FYB1: variants seen among roughly 807,000 people sequenced by gnomAD.
The protein encoded by FYB1 is FYN-binding protein 1.
In FYB1, 41 loss-of-function variants were observed where a neutral mutation model predicts 94.1. The observed-to-expected ratio is 0.44, with a 90% CI of 0.34 to 0.57. The LOEUF (loss-of-function observed/expected upper bound fraction) is 0.57, where lower values mean the gene tolerates loss of function less well. Ranked by LOEUF, FYB1 falls within the 20% of genes least tolerant of loss-of-function variation. The pLI is 0.02. For missense variants in FYB1, 1,050 were observed against 976.8 expected, an observed-to-expected ratio of 1.07 and a Z score of -1.00; for synonymous variants, 367 against 353.2, an observed-to-expected ratio of 1.04 and a Z score of -0.44.
At chr5:39,217,740 C>T (rs1749979919) in intron 1 of FYB1, among the ~76,000 whole-genome samples, 1 of 152,142 alleles carries the variant, frequency 6.6e-6, no homozygotes, top group Admixed American at 6.5e-5. Flanking sequence ...AGCCCAAACC[C>T]GCCAGCGAGC....
chr5:39,109,731 C>T (rs1171888666), intron 17 of FYB1, among the ~76,000 whole-genome samples: 1 of 152,080 alleles, frequency 6.6e-6, no homozygotes, highest in Non-Finnish European at 1.5e-5. Context: ...GTTTCTTGCA[C>T]TGGGTTACTT....
intron 2 of FYB1, among the ~76,000 whole-genome samples, chr5:39,190,170 C>T (rs1022982670): frequency 6.6e-6 from 1 of 152,176 alleles, no homozygotes; most frequent in Non-Finnish European, 1.5e-5. Flanking sequence ...CAGAATTCAG[C>T]AATCTCTTCA....
intron 12 of FYB1, among the ~76,000 whole-genome samples, chr5:39,124,800 C>G (rs10067686): frequency 0.064 from 9,794 of 151,914 alleles, 1,071 homozygotes; most frequent in African/African-American, 0.23. Context: ...TTACTTAAAC[C>G]AGAGAGTGAG....
chr5:39,263,639 G>A (rs1465391635), intron 1 of FYB1, among the ~76,000 whole-genome samples: 1 of 152,096 alleles, frequency 6.6e-6, no homozygotes, highest in African/African-American at 2.4e-5. Context: ...GATTTCCCTG[G>A]GACACCAGTT....
intron 1 of FYB1, among the ~76,000 whole-genome samples, chr5:39,247,071 CATATATATATATAT>C (rs3085950): frequency 0.019 from 1,255 of 65,632 alleles, 29 homozygotes; most frequent in African/African-American, 0.057. Flanking sequence ...AATGCGTGTT[CATATATATATATAT>C]ATATATATAT....
chr5:39,206,721 G>A (rs1748888687), intron 1 of FYB1, among the ~76,000 whole-genome samples: 1 of 152,098 alleles, frequency 6.6e-6, no homozygotes, highest in African/African-American at 2.4e-5. Flanking sequence ...AAACTACATG[G>A]TGACCTTCCC....
intron 1 of FYB1, among the ~76,000 whole-genome samples, chr5:39,266,104 C>T (rs181615733): frequency 2.6e-5 from 4 of 151,940 alleles, no homozygotes; most frequent in Admixed American, 2.0e-4. Flanking sequence ...CCTAAAATTA[C>T]TTGCCAAGTA....
At chr5:39,261,411 C>T (rs6879555) in intron 1 of FYB1, among the ~76,000 whole-genome samples, 17,168 of 149,348 alleles carry the variant, frequency 0.11, 1,241 homozygotes, top group African/African-American at 0.21. Flanking sequence ...TATGTGTACC[C>T]GTGCAAGAAG....
chr5:39,120,558 GT>G (rs1451005369), intron 14 of FYB1, among the ~76,000 whole-genome samples: 1 of 151,988 alleles, frequency 6.6e-6, no homozygotes, highest in East Asian at 1.9e-4. Context: ...TCTGAGCAAG[GT>G]CCAGGTAGTG....
At chr5:39,272,289 T>G (rs1180205396) in intron 1 of FYB1, among the ~76,000 whole-genome samples, 1 of 152,118 alleles carries the variant, frequency 6.6e-6, no homozygotes, top group Non-Finnish European at 1.5e-5. Context: ...CAGGCCAGCC[T>G]TGTGGGTAGA....
intron 2 of FYB1, among the ~76,000 whole-genome samples, chr5:39,164,090 T>G (rs1366237432): frequency 6.6e-6 from 1 of 152,208 alleles, no homozygotes; most frequent in Non-Finnish European, 1.5e-5. Flanking sequence ...AACCTTGATG[T>G]GCAGAGGCAA....
intron 1 of FYB1, among the ~76,000 whole-genome samples, chr5:39,271,176 T>C (rs1292380442): frequency 1.3e-5 from 2 of 152,126 alleles, no homozygotes; most frequent in East Asian, 3.9e-4. Context: ...TTTAAATTCA[T>C]ATTACCAGTA....
At chr5:39,121,148 C>T (rs963087768) in intron 14 of FYB1, among the ~76,000 whole-genome samples, 48 of 122,036 alleles carry the variant, frequency 3.9e-4, no homozygotes, top group African/African-American at 1.5e-3. Context: ...TCCTAGAGAG[C>T]GATTTTATGG....
chr5:39,141,038 C>A, intron 4 of FYB1, 57 bp downstream of exon 4: 1 of 1,255,136 alleles, frequency 8.0e-7, no homozygotes, highest in South Asian at 1.3e-5. Context: ...ATGAATAGCT[C>A]AAACTTCTGT....
rs1739884896 is a variant in FYB1, at chr5:39,119,523, G to C, written c.2238+12C>G. The C allele has an allele frequency of 6.6e-7, 1 of 1,504,228 alleles. No individual in the cohort carries two copies. Among genetic ancestry groups the C allele is most frequent in the African/African-American group, 1.4e-5 (1 of 71,082 alleles). 93.2% of individuals were successfully genotyped at this position (1,504,228 alleles called of 1,614,324 possible). A position where few individuals can be genotyped will look rare whatever the true frequency, so the allele number is the denominator to read the frequency against. ...TGCTTTGTACTTTGTATAATATTTA[G>C]ATATGACATACTTTAAATTTTTTCC... is the stretch of plus-strand genomic sequence containing the variant. On this transcript the variant is annotated intron_variant, in intron 15 of 18. Coordinates refer to ENST00000512982, the MANE Select transcript of FYB1 (RefSeq NM_001465.6).
rs752245761 is a variant in FYB1 at position 39,119,566 on chromosome 5, T to C, written c.2207A>G (p.Lys736Arg). Residue 736 changes from lysine to arginine, a missense_variant, in exon 15 of 19, where the codon AAA (lysine) becomes AGA (arginine). By Grantham distance (26) the Lys-to-Arg change is conservative. Coordinates refer to ENST00000512982, the MANE Select transcript of FYB1 (RefSeq NM_001465.6). ...TTTTTTCCTGAAGTCTTTTTCTTCT[T>C]TTTCCTGCTTTTTTAGCTTCTTAAG... ...KDLKKLKKQE[K>R]EEKDFRKKFK... The C allele has an allele frequency of 6.5e-7, 1 of 1,547,312 alleles. No individual in the cohort carries two copies. Among genetic ancestry groups the C allele is most frequent in the Non-Finnish European group, 8.7e-7 (1 of 1,145,236 alleles).
At chr5:39,144,814 A>G (rs1043461620) in intron 3 of FYB1, among the ~76,000 whole-genome samples, 2 of 152,168 alleles carry the variant, frequency 1.3e-5, no homozygotes, top group African/African-American at 4.8e-5. Flanking sequence ...AAAAAAACCA[A>G]AAAACAACAA....
intron 1 of FYB1, among the ~76,000 whole-genome samples, chr5:39,232,154 A>AACATGCACACACACTAC (rs1750771463): frequency 6.6e-6 from 1 of 152,102 alleles, no homozygotes; most frequent in Admixed American, 6.6e-5. Context: ...CCTGTTTCAG[A>AACATGCACACACACTAC]ACATGCACAC....
intron 1 of FYB1, among the ~76,000 whole-genome samples, chr5:39,250,518 T>G (rs562065775): frequency 1.3e-5 from 2 of 152,184 alleles, no homozygotes; most frequent in Non-Finnish European, 2.9e-5. Flanking sequence ...AACAAAAATA[T>G]CACCATCAAA....
Sources: allele counts gnomAD v4.1 joint callset (sites outside exome capture counted in the v4.1 genomes callset), GRCh38; gene constraint gnomAD v4.1.1; transcripts MANE v1.5; gene names NCBI Gene and HGNC (gene_info 2026-07-23, HGNC 2026-07-21).